Variants in MAP2K5 observed in about 807,000 individuals in gnomAD.
MAP2K5 encodes mitogen-activated protein kinase kinase 5.
In MAP2K5, 49 loss-of-function variants were observed where a neutral mutation model predicts 83.1. That is an observed-to-expected ratio of 0.59 (90% CI 0.47 to 0.75). MAP2K5 has a LOEUF of 0.75. MAP2K5 is among the 30% of genes least tolerant of loss of function. The pLI is 0.00. For synonymous variants in MAP2K5, 202 were observed against 191.8 expected (o/e 1.05, Z -0.44); for missense variants, 457 against 557.5 (o/e 0.82, Z 1.82).
At chr15:67,597,479 A>C (rs926379031) in intron 7 of MAP2K5, among the ~76,000 whole-genome samples, 2 of 152,210 alleles carry the variant, frequency 1.3e-5, no homozygotes, top group East Asian at 1.9e-4. Context: ...TAACTTAAGT[A>C]AAGTGGACTA....
intron 16 of MAP2K5, among the ~76,000 whole-genome samples, chr15:67,714,470 C>G (rs62016229): frequency 0.015 from 1,649 of 111,976 alleles, 24 homozygotes; most frequent in South Asian, 0.019. Context: ...CACCCTGACA[C>G]AGCTGTTTCT....
rs2089649206 is a variant in MAP2K5, at chr15:67,748,347, G to C, written c.1101+90G>C. 1 of 1,179,982 alleles carries C rather than the reference G, an allele frequency of 8.5e-7. No homozygotes were observed. The highest frequency in any genetic ancestry group is 1.5e-5 in the African/African-American group (1 of 65,422). 73.1% of individuals were successfully genotyped at this position (1,179,982 alleles called of 1,614,324 possible). ...GCTTGAATGCCTTGTTTTAAACTTA[G>C]CAAATTGCATTTTGAAGAAAATGCA... On this transcript the variant is annotated intron_variant, in intron 18 of 21. Transcript: ENST00000178640. The surrounding 1 kb of genome is among the most constrained non-coding windows in gnomAD (Gnocchi z 4.0).
intron 13 of MAP2K5, among the ~76,000 whole-genome samples, chr15:67,689,046 T>G (rs1596798390): frequency 6.6e-6 from 1 of 152,290 alleles, no homozygotes; most frequent in Middle Eastern, 3.4e-3. Context: ...ACTTATTTCT[T>G]TTGGTGATGA....
In MAP2K5 at chr15:67,555,406, C is replaced by T. The variant is rs2084604787; in HGVS notation, c.184+5324C>T. ...GGGGGATCCACCCCCACGACAAAAACACCTCCTTCCAGGCCCCGCCTGCAA... is the reference window on the plus strand; with the variant it reads ...GGGGGATCCACCCCCACGACAAAAATACCTCCTTCCAGGCCCCGCCTGCAA... On this transcript the variant is annotated intron_variant, in intron 2 of 21. Coordinates refer to ENST00000178640, the MANE Select transcript of MAP2K5 (RefSeq NM_145160.3). This position sits in a 1 kb window ranked among gnomAD's most constrained non-coding sequence, Gnocchi z 5.2. Among the ~76,000 whole-genome samples, 2 of 152,214 alleles carry T rather than the reference C, an allele frequency of 1.3e-5. No individual in the cohort carries two copies. Among genetic ancestry groups the T allele is most frequent in the South Asian group, 2.1e-4 (1 of 4,830 alleles).
intron 16 of MAP2K5, among the ~76,000 whole-genome samples, chr15:67,704,083 T>C (rs543700152): frequency 6.6e-6 from 1 of 152,338 alleles, no homozygotes; most frequent in East Asian, 1.9e-4. Flanking sequence ...ATTAGAACTC[T>C]ATGCTATGTT....
At chr15:67,743,991 C>T (rs2089551094) in intron 17 of MAP2K5, among the ~76,000 whole-genome samples, 1 of 152,202 alleles carries the variant, frequency 6.6e-6, no homozygotes, top group African/African-American at 2.4e-5. Flanking sequence ...TCTCCTAACC[C>T]AGCCGTCAGG....
At chr15:67,579,222 G>T (rs1325172299) in intron 3 of MAP2K5, among the ~76,000 whole-genome samples, 8 of 152,116 alleles carry the variant, frequency 5.3e-5, no homozygotes, top group Admixed American at 4.6e-4. Context: ...GTTCCAAATA[G>T]CCACTGGCAT....
At chr15:67,590,598 AC>A (rs2085385870) in intron 6 of MAP2K5, among the ~76,000 whole-genome samples, 1 of 152,030 alleles carries the variant, frequency 6.6e-6, no homozygotes, top group African/African-American at 2.4e-5. Context: ...GATTACAGGC[AC>A]ATGCCGCCAT....
rs562459139 is a variant in MAP2K5, at chr15:67,700,717, T to G, written c.973-2620T>G. 1.7e-4 allele frequency among the ~76,000 whole-genome samples: 26 copies of G among 152,194 alleles called. No homozygotes were observed. The South Asian group carries it at 4.8e-3, about 28-fold the overall frequency. On this transcript the variant is annotated intron_variant, in intron 15 of 21. Transcript: ENST00000178640. ...CACATTTCCCAATCCCTATCCACCT[T>G]AAGAGTTGTTTAGGATAGACACGTG...
intron 2 of MAP2K5, among the ~76,000 whole-genome samples, chr15:67,554,832 A>T (rs1414665470): frequency 6.6e-6 from 1 of 152,240 alleles, no homozygotes; most frequent in Non-Finnish European, 1.5e-5. Flanking sequence ...TTCAAATGAA[A>T]ATTATAAAAT....
chr15:67,590,600 A>G (rs1339942115), intron 6 of MAP2K5, among the ~76,000 whole-genome samples: 1 of 152,044 alleles, frequency 6.6e-6, no homozygotes, highest in Non-Finnish European at 1.5e-5. Flanking sequence ...TTACAGGCAC[A>G]TGCCGCCATG....
In MAP2K5 at chr15:67,769,453, A is replaced by C; in HGVS notation, c.1135-149A>C. The C allele has an allele frequency of 3.1e-6, 2 of 641,480 alleles. No individual in the cohort carries two copies. Among genetic ancestry groups the C allele is most frequent in the East Asian group, 2.9e-5 (1 of 34,302 alleles). 39.7% of individuals were successfully genotyped at this position (641,480 alleles called of 1,614,324 possible). On this transcript the variant is annotated intron_variant, in intron 19 of 21. Coordinates refer to ENST00000178640, the MANE Select transcript of MAP2K5 (RefSeq NM_145160.3). The surrounding 1 kb of genome is among the most constrained non-coding windows in gnomAD (Gnocchi z 5.2). ...TGGCATCTTTACCTAAATGTGTGGAATAAGGTAAAGACAGTCTTTTTAATT... is the reference window on the plus strand; with the variant it reads ...TGGCATCTTTACCTAAATGTGTGGACTAAGGTAAAGACAGTCTTTTTAATT...
chr15:67,755,320 C>G lies in MAP2K5; in HGVS notation c.1134+6719C>G, dbSNP rs546047753. On this transcript the variant is annotated intron_variant, in intron 19 of 21. Transcript: ENST00000178640. This position sits in a 1 kb window ranked among gnomAD's most constrained non-coding sequence, Gnocchi z 4.7. The stretch of plus-strand genomic sequence containing the variant: ...AACATTGTTATAAAGTAGGCTCTTC[C>G]CTTATTTTTCTCCTCCCTTTCCCAG... Among the ~76,000 whole-genome samples the G allele has an allele frequency of 1.7e-4, 26 of 152,056 alleles. No individual in the cohort carries two copies. The highest frequency in any genetic ancestry group is 3.7e-4 in the Non-Finnish European group (25 of 68,016).
Position 67,600,761 on chromosome 15 carries a change from A to C in MAP2K5, c.545+12A>C, listed in dbSNP as rs779038462. The C allele has an allele frequency of 8.8e-6, 14 of 1,587,606 alleles. No individual in the cohort carries two copies. The highest frequency in any genetic ancestry group is 1.2e-5 in the Non-Finnish European group (14 of 1,170,320). On this transcript the variant is annotated intron_variant, in intron 8 of 21. Coordinates refer to ENST00000178640, the MANE Select transcript of MAP2K5 (RefSeq NM_145160.3). Reference sequence around the variant, plus strand: ...GGCACAGTCTACAAGTGAGTAGTCAATTTTGTTTAAACTTTCTATCCGCTT... The same window carrying C: ...GGCACAGTCTACAAGTGAGTAGTCACTTTTGTTTAAACTTTCTATCCGCTT...
chr15:67,574,084 A>G lies in MAP2K5; in HGVS notation c.253-6670A>G, dbSNP rs145808145. On this transcript the variant is annotated intron_variant, in intron 3 of 21. Coordinates refer to ENST00000178640, the MANE Select transcript of MAP2K5 (RefSeq NM_145160.3). ...ATTACCCCAAATTCTTTCTGGCACGACATCCAAGAACCATCTCTTGGGGTA... is the reference window on the plus strand; with the variant it reads ...ATTACCCCAAATTCTTTCTGGCACGGCATCCAAGAACCATCTCTTGGGGTA... Among the ~76,000 whole-genome samples, 90 of 152,328 alleles carry G rather than the reference A, an allele frequency of 5.9e-4. 1 individual carries two copies. In the East Asian group the frequency reaches 0.017, roughly 28 times the overall value.
intron 17 of MAP2K5, among the ~76,000 whole-genome samples, chr15:67,734,306 G>A (rs2089291621): frequency 6.6e-6 from 1 of 152,094 alleles, no homozygotes; most frequent in South Asian, 2.1e-4. Flanking sequence ...TTAAATGTAA[G>A]CAGCTTGTCA....
intron 13 of MAP2K5, among the ~76,000 whole-genome samples, chr15:67,672,977 T>A (rs2087583239): frequency 6.6e-6 from 1 of 152,150 alleles, no homozygotes; most frequent in Admixed American, 6.5e-5. Context: ...GTTGTAGATA[T>A]GCGGTGTTAT....
chr15:67,775,586 C>T lies in MAP2K5; in HGVS notation c.1242+2834C>T, dbSNP rs780732491. On this transcript the variant is annotated intron_variant, in intron 21 of 21. Coordinates refer to ENST00000178640, the MANE Select transcript of MAP2K5 (RefSeq NM_145160.3). The surrounding 1 kb of genome is among the most constrained non-coding windows in gnomAD (Gnocchi z 5.3). Reference sequence around the variant, plus strand: ...GCAGAAGATATAAAGTAGAGGAAGCCACACAGATAATCTTTTGGAGCTATA... The same window carrying T: ...GCAGAAGATATAAAGTAGAGGAAGCTACACAGATAATCTTTTGGAGCTATA... 1.4e-4 allele frequency among the ~76,000 whole-genome samples: 22 copies of T among 152,316 alleles called. No individual in the cohort carries two copies. The highest frequency in any genetic ancestry group is 2.9e-4 in the Non-Finnish European group (20 of 68,040).
At chr15:67,663,925 T>G (rs2087303814) in intron 12 of MAP2K5, among the ~76,000 whole-genome samples, 1 of 152,158 alleles carries the variant, frequency 6.6e-6, no homozygotes, top group Admixed American at 6.5e-5. Flanking sequence ...AAAAAAAGTT[T>G]TACACACAGA....
Sources: gnomAD v4.1 joint callset for allele counts (sites outside exome capture counted in the v4.1 genomes callset) on GRCh38, gnomAD v4.1.1 for gene constraint, Gnocchi (gnomAD v3.1) non-coding constraint, MANE v1.5 for transcripts, NCBI Gene and HGNC (gene_info 2026-07-23, HGNC 2026-07-21) for gene names.